The following FAAH2 variants were observed in gnomAD, a reference collection of about 807,000 sequenced individuals.
The protein encoded by FAAH2 is fatty-acid amide hydrolase 2.
Under a neutral mutation model 36.9 loss-of-function variants are expected in FAAH2, and 60 were observed. The ratio of observed to expected loss-of-function variants is 1.63; its 90% confidence interval spans 1.32 to 2.02. FAAH2 has a LOEUF of 2.02. FAAH2 is among the 30% of genes most tolerant of loss of function. FAAH2 has a pLI of 0.00. For synonymous variants in FAAH2, 214 were observed against 143.8 expected, an observed-to-expected ratio of 1.49 and a Z score of -3.49; for missense variants, 689 against 397.5, an observed-to-expected ratio of 1.73 and a Z score of -6.23.
chrX:57,473,192 T>G (rs934126707), intron 10 of FAAH2, among the ~76,000 whole-genome samples: 12 of 111,664 alleles, frequency 1.1e-4, no homozygotes, highest in African/African-American at 3.9e-4. Flanking sequence ...GTTTTAGCAC[T>G]TTTTTGCTGT....
the FAAH2 span, among the ~76,000 whole-genome samples, chrX:57,225,313 T>C: frequency 9.0e-6 from 1 of 111,418 alleles, no homozygotes; most frequent in Non-Finnish European, 1.9e-5. Flanking sequence ...TCCTTAGCTG[T>C]ATCCGAAAGT....
chrX:57,236,947 CT>C, the FAAH2 span, among the ~76,000 whole-genome samples: 1 of 111,375 alleles, frequency 9.0e-6, no homozygotes, highest in African/African-American at 3.3e-5. Context: ...ATGTTATGAA[CT>C]GTTTTCCTTG....
At chrX:57,148,566 G>C in the FAAH2 span, among the ~76,000 whole-genome samples, 1 of 111,490 alleles carries the variant, frequency 9.0e-6, no homozygotes, top group East Asian at 2.8e-4. Flanking sequence ...CTGTTTGTCT[G>C]TTATTGGTGT....
At chrX:57,425,252 A>G (rs1246939329) in intron 7 of FAAH2, among the ~76,000 whole-genome samples, 1 of 111,853 alleles carries the variant, frequency 8.9e-6, no homozygotes, top group Non-Finnish European at 1.9e-5. Flanking sequence ...AATCGTAGGT[A>G]TTCCCAAGAG....
chrX:57,139,324 AGT>A, the FAAH2 span, among the ~76,000 whole-genome samples: 1 of 112,235 alleles, frequency 8.9e-6, no homozygotes, highest in Admixed American at 9.4e-5. Context: ...TCCTTTCTAT[AGT>A]GTGTGTTCTT....
intron 7 of FAAH2, among the ~76,000 whole-genome samples, chrX:57,388,756 A>G (rs1267302853): frequency 1.8e-5 from 2 of 111,260 alleles, no homozygotes; most frequent in Non-Finnish European, 3.8e-5. Context: ...TGCATCACTT[A>G]TTTATTCATA....
the FAAH2 span, among the ~76,000 whole-genome samples, chrX:57,212,655 T>C: frequency 3.7e-4 from 42 of 112,628 alleles, no homozygotes; most frequent in Admixed American, 3.4e-3. Context: ...TTTGCATTGA[T>C]GCATTTAGAA....
intron 7 of FAAH2, among the ~76,000 whole-genome samples, chrX:57,420,423 A>G (rs949611894): frequency 9.0e-6 from 1 of 111,633 alleles, no homozygotes; most frequent in Non-Finnish European, 1.9e-5. Context: ...TTCTCCTTGA[A>G]AAAGTCCTTC....
chrX:57,140,976 T>A, the FAAH2 span, among the ~76,000 whole-genome samples: 3 of 111,687 alleles, frequency 2.7e-5, no homozygotes, highest in African/African-American at 9.8e-5. Flanking sequence ...TGAAACTAAT[T>A]TTTTTGTGTG....
the FAAH2 span, among the ~76,000 whole-genome samples, chrX:57,125,398 A>T: frequency 9.0e-6 from 1 of 111,686 alleles, no homozygotes; most frequent in Non-Finnish European, 1.9e-5. Context: ...GTTACTCCTA[A>T]GATTTCAACC....
the FAAH2 span, among the ~76,000 whole-genome samples, chrX:57,210,213 A>G: frequency 9.0e-6 from 1 of 111,466 alleles, no homozygotes; most frequent in African/African-American, 3.3e-5. Context: ...GGGTGGAGGG[A>G]AAATCTGTGT....
intron 3 of FAAH2, among the ~76,000 whole-genome samples, chrX:57,318,181 A>G (rs1158006025): frequency 1.0e-5 from 1 of 100,041 alleles, no homozygotes; most frequent in Admixed American, 1.1e-4. Flanking sequence ...ACTAAAGGAG[A>G]TAGAGACACA....
At chrX:57,468,196 C>A (rs955646798) in intron 10 of FAAH2, among the ~76,000 whole-genome samples, 1 of 111,626 alleles carries the variant, frequency 9.0e-6, no homozygotes, top group Admixed American at 9.5e-5. Context: ...GCACCTCTCC[C>A]CCTCCAAAGG....
the FAAH2 span, among the ~76,000 whole-genome samples, chrX:57,198,092 G>A: frequency 8.1e-5 from 9 of 111,448 alleles, no homozygotes; most frequent in African/African-American, 2.9e-4. Context: ...GCCTGAATAA[G>A]TATTTGGGTT....
chrX:57,175,685 G>A, the FAAH2 span, among the ~76,000 whole-genome samples: 1 of 111,449 alleles, frequency 9.0e-6, no homozygotes, highest in East Asian at 2.8e-4. Flanking sequence ...ATATTTACAA[G>A]AGGTTCTATT....
At chrX:57,410,103 T>A (rs192728499) in intron 7 of FAAH2, among the ~76,000 whole-genome samples, 3 of 111,545 alleles carry the variant, frequency 2.7e-5, no homozygotes, top group South Asian at 3.7e-4. Context: ...GATTTTTTTT[T>A]AATTTCCTTT....
At chrX:57,219,899 C>A in the FAAH2 span, among the ~76,000 whole-genome samples, 2 of 74,848 alleles carry the variant, frequency 2.7e-5, no homozygotes, top group Non-Finnish European at 4.5e-5. Context: ...GCAATTCAGT[C>A]TGGCCACAAT....
chrX:57,220,800 A>G, the FAAH2 span, among the ~76,000 whole-genome samples: 2 of 111,480 alleles, frequency 1.8e-5, no homozygotes, highest in Admixed American at 1.9e-4. Flanking sequence ...CTCTGCGGAG[A>G]ACCCCACTGG....
chrX:57,258,515 GGATGA>G, the FAAH2 span, among the ~76,000 whole-genome samples: 1 of 110,229 alleles, frequency 9.1e-6, no homozygotes. Flanking sequence ...CCATCCTAGA[GGATGA>G]GATAATATAT....
Sources: gnomAD v4.1 joint callset for allele counts (sites outside exome capture counted in the v4.1 genomes callset) on GRCh38, gnomAD v4.1.1 for gene constraint, MANE v1.5 for transcripts, NCBI Gene and HGNC (gene_info 2026-07-23, HGNC 2026-07-21) for gene names.